Variants in FRMPD4 observed in about 807,000 individuals in gnomAD.
The protein encoded by FRMPD4 is FERM and PDZ domain-containing protein 4.
In FRMPD4, 22 loss-of-function variants were observed where a neutral mutation model predicts 94.1. That is an observed-to-expected ratio of 0.23 (90% CI 0.17 to 0.33). The LOEUF (loss-of-function observed/expected upper bound fraction) is 0.33. Among genes scored for constraint, FRMPD4 ranks in the 10% least tolerant of loss-of-function variants. The probability of loss-of-function intolerance (pLI) is 1.00; values close to 1 mark genes in which losing one functional copy is unlikely to be tolerated. For synonymous variants in FRMPD4, 631 were observed against 548.6 expected (o/e 1.15, Z -2.10); for missense variants, 1,111 against 1,339.9 (o/e 0.83, Z 2.67).
chrX:12,326,404 T>G (rs756849667), intron 1 of FRMPD4, among the ~76,000 whole-genome samples: 21 of 111,867 alleles, frequency 1.9e-4, no homozygotes, highest in African/African-American at 6.8e-4. Context: ...TGTTGTTAGG[T>G]GCAGTCCTGT....
chrX:12,172,159 C>A (rs750956151), intron 1 of FRMPD4, among the ~76,000 whole-genome samples: 1 of 110,577 alleles, frequency 9.0e-6, no homozygotes, highest in African/African-American at 3.3e-5. Context: ...GCTTGTCCAA[C>A]CTGCCTTATT....
At chrX:12,065,781 C>T (rs2054915937) in intron 3 of FRMPD4, among the ~76,000 whole-genome samples, 1 of 112,247 alleles carries the variant, frequency 8.9e-6, no homozygotes, top group African/African-American at 3.2e-5. Context: ...TGAAGGAAGG[C>T]TCTCTTTTGA....
intron 1 of FRMPD4, among the ~76,000 whole-genome samples, chrX:12,311,859 A>G (rs944966399): frequency 3.2e-4 from 36 of 111,269 alleles, no homozygotes; most frequent in Non-Finnish European, 6.4e-4. Flanking sequence ...TTCATTTCTA[A>G]TTTTTGTGTT....
At chrX:12,366,619 A>G (rs948598047) in intron 1 of FRMPD4, among the ~76,000 whole-genome samples, 1 of 112,304 alleles carries the variant, frequency 8.9e-6, no homozygotes, top group East Asian at 2.8e-4. Context: ...GAGCACACCC[A>G]CCCAGTGTCC....
At chrX:12,347,203 G>C (rs1485305476) in intron 1 of FRMPD4, among the ~76,000 whole-genome samples, 1 of 111,583 alleles carries the variant, frequency 9.0e-6, no homozygotes, top group Non-Finnish European at 1.9e-5. Context: ...TTCTGGCACT[G>C]TTTATCATCT....
At chrX:12,382,174 A>G (rs2056326321) in intron 1 of FRMPD4, among the ~76,000 whole-genome samples, 1 of 112,113 alleles carries the variant, frequency 8.9e-6, no homozygotes, top group South Asian at 3.7e-4. Context: ...AGTCAGTTTT[A>G]AAGACTGCAA....
intron 1 of FRMPD4, among the ~76,000 whole-genome samples, chrX:12,436,197 G>T (rs2057065089): frequency 9.0e-6 from 1 of 111,085 alleles, no homozygotes; most frequent in Non-Finnish European, 1.9e-5. Flanking sequence ...GTGGACACGG[G>T]TTTCATCATG....
At position 12,050,851 on chromosome X, in the gene FRMPD4, TAAAA is replaced by T. The variant is rs1012257363; in HGVS notation, c.95+172837_95+172840del. ...AACACAGTTCATATTTGTGCACAAATAAAAAAAGAGTTGTACAAGATGTTTATAT... is the reference window on the plus strand; with the variant it reads ...AACACAGTTCATATTTGTGCACAAATAAAGAGTTGTACAAGATGTTTATAT... On this transcript the variant is annotated intron_variant, in intron 3 of 18. Coordinates refer to the FRMPD4 transcript ENST00000640291. Among the ~76,000 whole-genome samples, 6 of 110,472 alleles carry T rather than the reference TAAAA, an allele frequency of 5.4e-5. No individual in the cohort carries two copies. The East Asian group carries it at 1.1e-3, about 21-fold the overall frequency.
intron 3 of FRMPD4, among the ~76,000 whole-genome samples, chrX:11,992,704 G>A (rs6654946): frequency 0.14 from 15,269 of 111,101 alleles, 1,041 homozygotes; most frequent in African/African-American, 0.25. Flanking sequence ...AATTTACTTA[G>A]AGGGCGAAGA....
At chrX:12,088,181 A>G (rs1325746757) in intron 3 of FRMPD4, among the ~76,000 whole-genome samples, 2 of 112,009 alleles carry the variant, frequency 1.8e-5, no homozygotes, top group African/African-American at 3.2e-5. Flanking sequence ...CTTATTTCTC[A>G]AAGTTCTGGA....
chrX:12,464,605 C>T (rs1019835029), intron 1 of FRMPD4, among the ~76,000 whole-genome samples: 1 of 111,732 alleles, frequency 8.9e-6, no homozygotes, highest in Admixed American at 9.5e-5. Context: ...GACTAAGAGA[C>T]AGGGCTAATA....
chrX:12,409,214 C>G (rs746554183), intron 1 of FRMPD4, among the ~76,000 whole-genome samples: 1 of 111,855 alleles, frequency 8.9e-6, no homozygotes. Flanking sequence ...AATATAGCAG[C>G]GGTTCTCAAT....
chrX:12,041,224 C>A (rs908577598), intron 3 of FRMPD4, among the ~76,000 whole-genome samples: 6 of 111,721 alleles, frequency 5.4e-5, no homozygotes, highest in Non-Finnish European at 1.1e-4. Flanking sequence ...GATAAAATAT[C>A]TTTGAGTCTT....
intron 1 of FRMPD4, among the ~76,000 whole-genome samples, chrX:12,188,759 C>A (rs1473817042): frequency 2.7e-5 from 3 of 111,516 alleles, no homozygotes; most frequent in Non-Finnish European, 5.7e-5. Context: ...ATAACCCTAA[C>A]AAACAATAGC....
At position 12,716,382 on chromosome X, in the gene FRMPD4, A is replaced by C. The variant is rs1206931300; in HGVS notation, c.1923A>C (p.Lys641Asn). The C allele has an allele frequency of 1.7e-6, 2 of 1,211,626 alleles. No individual in the cohort carries two copies. Among genetic ancestry groups the C allele is most frequent in the Non-Finnish European group, 2.2e-6 (2 of 895,169 alleles). The change falls in exon 15 of 17, where the codon AAA (lysine) becomes AAC (asparagine). Residue 641 changes from lysine to asparagine, a missense_variant. Lys to Asn is a moderately conservative substitution (Grantham distance 94). This residue lies in a region of FRMPD4 where 192 missense variants were observed against 192.5 expected (regional missense o/e 1.00). Transcript: ENST00000675598. Reference sequence around the variant, plus strand: ...TCTCAGGACCAGAAACTCTGAAGAAAGCACAGGAATCTCCGAGAGGAGCTA... The same window carrying C: ...TCTCAGGACCAGAAACTCTGAAGAACGCACAGGAATCTCCGAGAGGAGCTA... ...LTLSGPETLK[K>N]AQESPRGAKV...
intron 1 of FRMPD4, among the ~76,000 whole-genome samples, chrX:12,451,127 C>G (rs933547429): frequency 2.7e-5 from 3 of 111,221 alleles, no homozygotes; most frequent in African/African-American, 9.8e-5. Context: ...TCCATTGGAC[C>G]TGAATCACTT....
intron 1 of FRMPD4, among the ~76,000 whole-genome samples, chrX:12,145,878 C>T (rs1395290032): frequency 8.9e-6 from 1 of 112,104 alleles, no homozygotes; most frequent in Non-Finnish European, 1.9e-5. Flanking sequence ...CACAGTCACC[C>T]TTGCCAGCCC....
At chrX:12,514,970 T>G (rs1294834717) in intron 2 of FRMPD4, among the ~76,000 whole-genome samples, 1 of 111,871 alleles carries the variant, frequency 8.9e-6, no homozygotes, top group African/African-American at 3.2e-5. Context: ...CCAGGATTTT[T>G]TCCATTTCTT....
chrX:12,252,727 C>G (rs750434481), intron 1 of FRMPD4, among the ~76,000 whole-genome samples: 4 of 111,188 alleles, frequency 3.6e-5, no homozygotes, highest in Non-Finnish European at 7.6e-5. Flanking sequence ...ACCATATGTA[C>G]GAGGAGGAAA....
Sources: gnomAD v4.1 joint callset for allele counts (sites outside exome capture counted in the v4.1 genomes callset) on GRCh38, gnomAD v4.1.1 for gene constraint, gnomAD v4.1.1 regional missense constraint, MANE v1.5 for transcripts, NCBI Gene and HGNC (gene_info 2026-07-23, HGNC 2026-07-21) for gene names.